The following TSPEAR variants were observed in gnomAD, a reference collection of about 807,000 sequenced individuals.
The protein encoded by TSPEAR is thrombospondin type laminin G domain and EAR repeats.
Under a neutral mutation model 71.6 loss-of-function variants are expected in TSPEAR, and 69 were observed. The observed-to-expected ratio is 0.96, with a 90% CI of 0.79 to 1.18. The LOEUF is 1.18. Among genes scored for constraint, TSPEAR ranks in the 50% most tolerant of loss-of-function variants. TSPEAR has a pLI of 0.00. For missense variants in TSPEAR, 971 were observed against 894.9 expected (o/e 1.09, Z -1.09); for synonymous variants, 402 against 387.2 (o/e 1.04, Z -0.45).
At chr21:44,670,751 G>A (rs1318161278) in intron 1 of TSPEAR, among the ~76,000 whole-genome samples, 2 of 152,160 alleles carry the variant, frequency 1.3e-5, no homozygotes, top group Non-Finnish European at 2.9e-5. Context: ...CTGAGCAGCT[G>A]TAGCATGGTG....
At chr21:44,601,212 A>G (rs1171859723) in intron 1 of TSPEAR, 2 of 1,594,004 alleles carry the variant, frequency 1.3e-6, no homozygotes, top group Non-Finnish European at 1.7e-6. Context: ...GCCCCTGCCA[A>G]TCAGGCTGCA....
chr21:44,653,156 CA>C (rs782644887), intron 1 of TSPEAR, among the ~76,000 whole-genome samples: 3 of 150,454 alleles, frequency 2.0e-5, no homozygotes, highest in East Asian at 1.9e-4. Flanking sequence ...GACTCCATCT[CA>C]AAAAAAAAGA....
Position 44,612,538 on chromosome 21 carries a change from CCAG to C in TSPEAR, c.83-44536_83-44534del. On this transcript the variant is annotated intron_variant, in intron 1 of 11. Coordinates refer to ENST00000323084, the MANE Select transcript of TSPEAR (RefSeq NM_144991.3). The surrounding 1 kb of genome is among the most constrained non-coding windows in gnomAD (Gnocchi z 4.1). The stretch of plus-strand genomic sequence containing the variant: ...GCTCTGGAGCTTCCTCCCCATGCTG[CCAG>C]CAGTCTAGCTGCCAGTCAGCTTGCT... 1 of 1,613,602 alleles carries C rather than the reference CCAG, an allele frequency of 6.2e-7. No homozygotes were observed.
chr21:44,612,530 C>A lies in TSPEAR; in HGVS notation c.83-44525G>T, dbSNP rs1981770157. The A allele has an allele frequency of 6.2e-7, 1 of 1,608,652 alleles. No individual in the cohort carries two copies. ...GTCCATCTGCTCTGGAGCTTCCTCC[C>A]CATGCTGCCAGCAGTCTAGCTGCCA... On this transcript the variant is annotated intron_variant, in intron 1 of 11. Coordinates refer to ENST00000323084, the MANE Select transcript of TSPEAR (RefSeq NM_144991.3). The surrounding 1 kb of genome is among the most constrained non-coding windows in gnomAD (Gnocchi z 4.1).
intron 1 of TSPEAR, chr21:44,676,064 G>A: frequency 1.2e-6 from 1 of 865,230 alleles, no homozygotes; most frequent in Admixed American, 1.7e-5. Context: ...GCAATAGGAG[G>A]CATATGACAG....
intron 1 of TSPEAR, chr21:44,702,108 A>G: frequency 1.0e-6 from 1 of 977,262 alleles, no homozygotes; most frequent in Non-Finnish European, 1.5e-6. Flanking sequence ...GGGAAACTTC[A>G]CCCAGGAGAG....
At chr21:44,617,917 A>C (rs1183553260) in intron 1 of TSPEAR, among the ~76,000 whole-genome samples, 4 of 152,222 alleles carry the variant, frequency 2.6e-5, no homozygotes, top group Non-Finnish European at 5.9e-5. Context: ...TCTAAGCTGG[A>C]GTGTTAGCAG....
chr21:44,610,862 A>G (rs781910660), intron 1 of TSPEAR, among the ~76,000 whole-genome samples: 1 of 152,212 alleles, frequency 6.6e-6, no homozygotes, highest in Non-Finnish European at 1.5e-5. Flanking sequence ...TGAGACCTGG[A>G]GTCAAACGAG....
intron 1 of TSPEAR, chr21:44,580,157 C>A: frequency 6.2e-7 from 1 of 1,612,436 alleles, no homozygotes; most frequent in Non-Finnish European, 8.5e-7. Context: ...GGTGGGCACA[C>A]AGCACACGGG....
At chr21:44,698,845 T>G (rs1031857275) in intron 1 of TSPEAR, among the ~76,000 whole-genome samples, 3 of 152,152 alleles carry the variant, frequency 2.0e-5, no homozygotes, top group African/African-American at 7.2e-5. Context: ...TATCTTGAAG[T>G]CTCTTCTAAC....
chr21:44,694,129 G>A (rs1987231170), intron 1 of TSPEAR, among the ~76,000 whole-genome samples: 1 of 152,208 alleles, frequency 6.6e-6, no homozygotes, highest in Non-Finnish European at 1.5e-5. Context: ...ACCATTCAAT[G>A]GAGAAGGAAT....
chr21:44,629,949 G>T (rs1983160971), intron 1 of TSPEAR, among the ~76,000 whole-genome samples: 1 of 152,202 alleles, frequency 6.6e-6, no homozygotes, highest in Non-Finnish European at 1.5e-5. Context: ...AGGGATGGGT[G>T]CAGGGAAAGT....
At chr21:44,563,139 G>T (rs1251720842) in intron 2 of TSPEAR, among the ~76,000 whole-genome samples, 1 of 152,052 alleles carries the variant, frequency 6.6e-6, no homozygotes, top group Non-Finnish European at 1.5e-5. Flanking sequence ...AGTTACTGAA[G>T]ATAGTAATGT....
At chr21:44,602,539 G>A (rs1211108926) in intron 1 of TSPEAR, among the ~76,000 whole-genome samples, 5 of 152,202 alleles carry the variant, frequency 3.3e-5, no homozygotes, top group African/African-American at 4.8e-5. Flanking sequence ...CTTGGCTGGC[G>A]TCTGGGAACT....
intron 1 of TSPEAR, among the ~76,000 whole-genome samples, chr21:44,599,132 TTTTCTCTC>T (rs59563747): frequency 0.032 from 239 of 7,578 alleles, 4 homozygotes; most frequent in African/African-American, 0.053. Context: ...GAGGCCCCCA[TTTTCTCTC>T]TCTCTCTCTC....
intron 1 of TSPEAR, among the ~76,000 whole-genome samples, chr21:44,621,784 G>C (rs587643403): frequency 9.2e-5 from 14 of 152,350 alleles, no homozygotes; most frequent in African/African-American, 2.4e-4. Flanking sequence ...TTAGATTCAA[G>C]TTATTTAATC....
chr21:44,632,334 A>C (rs1355931428), intron 1 of TSPEAR, among the ~76,000 whole-genome samples: 1 of 142,520 alleles, frequency 7.0e-6, no homozygotes, highest in Non-Finnish European at 1.5e-5. Context: ...CAATGGGATG[A>C]TGTACTTAAA....
intron 11 of TSPEAR, among the ~76,000 whole-genome samples, chr21:44,503,763 C>T (rs1349435486): frequency 5.7e-5 from 6 of 105,050 alleles, no homozygotes; most frequent in African/African-American, 2.5e-4. Context: ...GGTGAGCCCT[C>T]GGGGGGAAGC....
chr21:44,677,379 A>G, intron 1 of TSPEAR: 1 of 1,403,392 alleles, frequency 7.1e-7, no homozygotes, highest in Non-Finnish European at 1.0e-6. Flanking sequence ...GTGTGCATTG[A>G]CAGCCTGGAC....
Sources: allele counts gnomAD v4.1 joint callset (sites outside exome capture counted in the v4.1 genomes callset), GRCh38; gene constraint gnomAD v4.1.1; non-coding constraint Gnocchi (gnomAD v3.1); transcripts MANE v1.5; gene names NCBI Gene and HGNC (gene_info 2026-07-23, HGNC 2026-07-21).